Variants in LDB2 observed in about 807,000 individuals in gnomAD.
LDB2 encodes LIM domain-binding protein 2.
A neutral mutation model predicts 44.3 loss-of-function variants in LDB2; 12 were observed. That is an observed-to-expected ratio of 0.27 (90% confidence interval 0.17 to 0.44). The LOEUF (loss-of-function observed/expected upper bound fraction) is 0.44, where lower values mean the gene tolerates loss of function less well. LDB2 is among the 20% of genes least tolerant of loss of function. LDB2 has a pLI of 1.00. For synonymous variants in LDB2, 164 were observed against 174.8 expected (o/e 0.94, Z 0.49); for missense variants, 344 against 473.5 (o/e 0.73, Z 2.54).
At chr4:16,730,339 G>T (rs1179118296) in intron 2 of LDB2, among the ~76,000 whole-genome samples, 1 of 151,998 alleles carries the variant, frequency 6.6e-6, no homozygotes, top group Non-Finnish European at 1.5e-5. Flanking sequence ...ACTTTGTATT[G>T]TCTGGTCTTT....
At chr4:16,863,808 C>T (rs1461387280) in intron 1 of LDB2, among the ~76,000 whole-genome samples, 1 of 152,090 alleles carries the variant, frequency 6.6e-6, no homozygotes, top group Non-Finnish European at 1.5e-5. Flanking sequence ...TTACAGGCAC[C>T]CGCCACCACG....
intron 3 of LDB2, among the ~76,000 whole-genome samples, chr4:16,592,811 T>A (rs966432569): frequency 6.6e-6 from 1 of 151,960 alleles, no homozygotes; most frequent in African/African-American, 2.4e-5. Flanking sequence ...GTGTGTAAAA[T>A]CTAAAATTAA....
intron 2 of LDB2, among the ~76,000 whole-genome samples, chr4:16,677,516 C>T (rs1297067938): frequency 6.6e-6 from 1 of 152,266 alleles, no homozygotes; most frequent in African/African-American, 2.4e-5. Context: ...TCCACATCCC[C>T]CACATTCAGA....
chr4:16,874,203 T>G (rs1376250167), intron 1 of LDB2, among the ~76,000 whole-genome samples: 1 of 152,162 alleles, frequency 6.6e-6, no homozygotes, highest in Non-Finnish European at 1.5e-5. Context: ...ATCATGGCAA[T>G]GCATAGGCTG....
chr4:16,615,405 C>T lies in LDB2; in HGVS notation c.236-19530G>A, dbSNP rs115064077. On this transcript the variant is annotated intron_variant, in intron 2 of 7. Coordinates refer to ENST00000304523, the MANE Select transcript of LDB2 (RefSeq NM_001290.5). ...ATAAAGAAAATGCGGTACATATATA[C>T]GATGGAATGCTATGCAGCCATAAAA... Among the ~76,000 whole-genome samples the T allele has an allele frequency of 5.6e-3, 851 of 152,246 alleles. 12 individuals carry two copies. Among genetic ancestry groups the T allele is most frequent in the African/African-American group, 0.02 (817 of 41,548 alleles).
At chr4:16,854,668 A>G (rs1412254462) in intron 1 of LDB2, among the ~76,000 whole-genome samples, 2 of 150,336 alleles carry the variant, frequency 1.3e-5, no homozygotes, top group African/African-American at 2.4e-5. Flanking sequence ...TTACGTCTAT[A>G]TATATGTTAT....
intron 1 of LDB2, among the ~76,000 whole-genome samples, chr4:16,828,242 C>T (rs1375680376): frequency 6.6e-6 from 1 of 152,180 alleles, no homozygotes; most frequent in East Asian, 1.9e-4. Context: ...TTTCAAGGCT[C>T]GCCTCCACCT....
At chr4:16,548,544 G>C (rs1167863737) in intron 5 of LDB2, among the ~76,000 whole-genome samples, 1 of 152,124 alleles carries the variant, frequency 6.6e-6, no homozygotes, top group East Asian at 1.9e-4. Context: ...CAGAAATTAT[G>C]TTTTATTCCT....
intron 1 of LDB2, among the ~76,000 whole-genome samples, chr4:16,808,157 A>T (rs1326652702): frequency 6.6e-6 from 1 of 152,204 alleles, no homozygotes; most frequent in Non-Finnish European, 1.5e-5. Context: ...CTTACAGTGG[A>T]CGTCTCTCTT....
At chr4:16,644,523 G>A (rs954308462) in intron 2 of LDB2, among the ~76,000 whole-genome samples, 5 of 151,632 alleles carry the variant, frequency 3.3e-5, no homozygotes, top group African/African-American at 9.7e-5. Context: ...TGCCTCCTGG[G>A]TTCAAGGGAT....
intron 1 of LDB2, among the ~76,000 whole-genome samples, chr4:16,837,404 G>C (rs1487489920): frequency 4.6e-5 from 7 of 152,176 alleles, no homozygotes; most frequent in Non-Finnish European, 5.9e-5. Flanking sequence ...GGTTGTTACA[G>C]TGATGGTCAC....
chr4:16,526,039 G>A (rs759355824), intron 5 of LDB2, among the ~76,000 whole-genome samples: 1 of 152,192 alleles, frequency 6.6e-6, no homozygotes, highest in African/African-American at 2.4e-5. Flanking sequence ...TTAATTTTTG[G>A]TGTCAACTTG....
chr4:16,538,498 T>C (rs1451040687), intron 5 of LDB2, among the ~76,000 whole-genome samples: 1 of 147,054 alleles, frequency 6.8e-6, no homozygotes, highest in Non-Finnish European at 1.5e-5. Context: ...TTAAGACGTT[T>C]CTACAGCTTT....
At chr4:16,848,060 C>T (rs1408339950) in intron 1 of LDB2, among the ~76,000 whole-genome samples, 1 of 152,144 alleles carries the variant, frequency 6.6e-6, no homozygotes, top group Non-Finnish European at 1.5e-5. Flanking sequence ...ACTTAACTGT[C>T]AGGGTCTTTG....
chr4:16,604,360 A>T (rs937847742), intron 2 of LDB2, among the ~76,000 whole-genome samples: 1 of 152,036 alleles, frequency 6.6e-6, no homozygotes. Flanking sequence ...AGGCAAAATA[A>T]TCCACTATTC....
intron 1 of LDB2, among the ~76,000 whole-genome samples, chr4:16,797,743 C>T (rs1418258389): frequency 2.0e-5 from 3 of 151,858 alleles, no homozygotes; most frequent in Non-Finnish European, 4.4e-5. Flanking sequence ...TACTTAAGAG[C>T]TGTATAATCA....
chr4:16,563,629 T>G (rs1743369050), intron 5 of LDB2, among the ~76,000 whole-genome samples: 1 of 150,692 alleles, frequency 6.6e-6, no homozygotes, highest in Non-Finnish European at 1.5e-5. Context: ...TTTTTTTTTT[T>G]TTGTATTTTT....
intron 7 of LDB2, among the ~76,000 whole-genome samples, chr4:16,503,969 C>T (rs537961742): frequency 6.6e-6 from 1 of 152,250 alleles, no homozygotes; most frequent in Non-Finnish European, 1.5e-5. Flanking sequence ...TGGCATGGGA[C>T]AGGACATCTG....
chr4:16,579,704 T>C (rs1230247220), intron 5 of LDB2, among the ~76,000 whole-genome samples: 1 of 152,190 alleles, frequency 6.6e-6, no homozygotes, highest in Non-Finnish European at 1.5e-5. Flanking sequence ...AATCACATGT[T>C]TTTTTCTAGA....
Sources: gnomAD v4.1 joint callset for allele counts (sites outside exome capture counted in the v4.1 genomes callset) on GRCh38, gnomAD v4.1.1 for gene constraint, MANE v1.5 for transcripts, NCBI Gene and HGNC (gene_info 2026-07-23, HGNC 2026-07-21) for gene names.